TAFA4: variants seen among roughly 807,000 people sequenced by gnomAD.
TAFA4 encodes chemokine-like protein TAFA-4.
In TAFA4, 20 loss-of-function variants were observed where a neutral mutation model predicts 21.1. That is an observed-to-expected ratio of 0.95 (90% CI 0.67 to 1.38). The LOEUF is 1.38. Among genes scored for constraint, TAFA4 ranks in the 40% most tolerant of loss-of-function variants. The pLI, the probability that TAFA4 is intolerant of heterozygous loss-of-function variation, is 0.00. For missense variants in TAFA4, 211 were observed against 180.9 expected (o/e 1.17, Z -0.95); for synonymous variants, 71 against 67.4 (o/e 1.05, Z -0.26).
At chr3:68,783,051 G>T (rs1251866424) in intron 3 of TAFA4, among the ~76,000 whole-genome samples, 1 of 152,108 alleles carries the variant, frequency 6.6e-6, no homozygotes, top group Non-Finnish European at 1.5e-5. Context: ...AGTAGATGCA[G>T]AAAAAATATT....
At chr3:68,885,063 G>T in intron 2 of TAFA4, 112 bp downstream of exon 2, 1 of 975,708 alleles carries the variant, frequency 1.0e-6, no homozygotes. Context: ...TTCCCAAAAA[G>T]TGTAAAAGCA....
chr3:68,788,292 G>C (rs1428559597), intron 3 of TAFA4, among the ~76,000 whole-genome samples: 1 of 152,006 alleles, frequency 6.6e-6, no homozygotes, highest in Non-Finnish European at 1.5e-5. Flanking sequence ...AATCACCTCT[G>C]CCTCAGGACA....
At chr3:68,901,051 T>A (rs1266182059) in intron 1 of TAFA4, among the ~76,000 whole-genome samples, 2 of 152,184 alleles carry the variant, frequency 1.3e-5, no homozygotes, top group Admixed American at 1.3e-4. Flanking sequence ...AAACAGCTAA[T>A]AATTCCAGAA....
In TAFA4 at chr3:68,732,304, T is replaced by G. The variant is rs1335315900; in HGVS notation, c.*838A>C. 1 of 152,602 alleles carries G rather than the reference T, an allele frequency of 6.6e-6. No individual in the cohort carries two copies. The highest frequency in any genetic ancestry group is 1.5e-5 in the Non-Finnish European group (1 of 68,020). The allele number at this position is 152,602 out of a possible 1,614,324, so 9.5% of individuals were successfully genotyped here. ...TCTTTTCATATAATTGGCATAAATT[T>G]GATCTAAGAAATAACCCTTGATCTA... On this transcript the variant is annotated 3_prime_UTR_variant, in exon 6 of 6. Transcript: ENST00000295569.
intron 3 of TAFA4, among the ~76,000 whole-genome samples, chr3:68,801,563 T>C (rs1703579014): frequency 6.6e-6 from 1 of 152,224 alleles, no homozygotes; most frequent in Non-Finnish European, 1.5e-5. Flanking sequence ...AACATGAATG[T>C]CACCCAGAAA....
chr3:68,841,782 T>C (rs1484238191), intron 3 of TAFA4, among the ~76,000 whole-genome samples: 1 of 151,620 alleles, frequency 6.6e-6, no homozygotes, highest in East Asian at 1.9e-4. Flanking sequence ...CACTTATGAG[T>C]GAGAACATGC....
At chr3:68,769,691 T>A (rs1363152546) in intron 3 of TAFA4, among the ~76,000 whole-genome samples, 1 of 152,220 alleles carries the variant, frequency 6.6e-6, no homozygotes, top group African/African-American at 2.4e-5. Flanking sequence ...CATAAATATG[T>A]ACAATTATTG....
chr3:68,786,721 T>C (rs1455311309), intron 3 of TAFA4, among the ~76,000 whole-genome samples: 2 of 152,208 alleles, frequency 1.3e-5, no homozygotes, highest in African/African-American at 4.8e-5. Flanking sequence ...CGAAAGTGAT[T>C]TGTAAGCTTT....
chr3:68,749,536 G>A (rs1702522614), intron 4 of TAFA4, among the ~76,000 whole-genome samples: 1 of 152,144 alleles, frequency 6.6e-6, no homozygotes, highest in Admixed American at 6.5e-5. Context: ...AAGCTAAAAA[G>A]CCCTAATGGA....
intron 3 of TAFA4, among the ~76,000 whole-genome samples, chr3:68,871,645 A>C (rs1463865495): frequency 6.6e-6 from 1 of 152,138 alleles, no homozygotes; most frequent in African/African-American, 2.4e-5. Context: ...TTTGCAAACT[A>C]TCCATCCAAC....
chr3:68,818,445 C>A (rs1014804413), intron 3 of TAFA4, among the ~76,000 whole-genome samples: 5 of 152,182 alleles, frequency 3.3e-5, no homozygotes, highest in African/African-American at 1.2e-4. Context: ...AGAATTTTTC[C>A]CTTGCATCCA....
At chr3:68,799,966 G>A (rs765028180) in intron 3 of TAFA4, among the ~76,000 whole-genome samples, 18 of 151,994 alleles carry the variant, frequency 1.2e-4, no homozygotes, top group East Asian at 7.7e-4. Context: ...ATTGTGAACC[G>A]CACATGTGGG....
intron 3 of TAFA4, among the ~76,000 whole-genome samples, chr3:68,792,538 G>C (rs746406280): frequency 6.6e-6 from 1 of 152,038 alleles, no homozygotes; most frequent in African/African-American, 2.4e-5. Flanking sequence ...TCTAACATTA[G>C]GATAGTATTC....
At position 68,733,075 on chromosome 3, in the gene TAFA4, G is replaced by A. The variant is rs1702177935; in HGVS notation, c.*67C>T. On this transcript the variant is annotated 3_prime_UTR_variant, in exon 6 of 6. Transcript: ENST00000295569. ...CAATTTTCTGCAAAGGGGCCATGATGGGAATCCAAGCAAAAGAGCTCCGCC... is the reference window on the plus strand; with the variant it reads ...CAATTTTCTGCAAAGGGGCCATGATAGGAATCCAAGCAAAAGAGCTCCGCC... 2 of 1,604,404 alleles carry A rather than the reference G, an allele frequency of 1.2e-6. No individual in the cohort carries two copies. The highest frequency in any genetic ancestry group is 2.7e-5 in the African/African-American group (2 of 74,446).
intron 3 of TAFA4, among the ~76,000 whole-genome samples, chr3:68,766,444 CAGAG>C (rs1360839242): frequency 6.6e-6 from 1 of 151,904 alleles, no homozygotes; most frequent in Non-Finnish European, 1.5e-5. Flanking sequence ...TGATACTTCT[CAGAG>C]AGACATATGT....
intron 1 of TAFA4, among the ~76,000 whole-genome samples, chr3:68,910,402 A>C (rs1290552198): frequency 2.6e-5 from 4 of 152,222 alleles, no homozygotes; most frequent in Non-Finnish European, 4.4e-5. Context: ...AGGCACCCTA[A>C]ATATGCAAAC....
At chr3:68,905,290 T>G (rs1405042306) in intron 1 of TAFA4, among the ~76,000 whole-genome samples, 3 of 151,278 alleles carry the variant, frequency 2.0e-5, no homozygotes, top group African/African-American at 7.3e-5. Flanking sequence ...CTGCCTCAGC[T>G]TCCCAAGTAG....
chr3:68,771,810 G>C (rs1030052515), intron 3 of TAFA4, among the ~76,000 whole-genome samples: 2 of 152,230 alleles, frequency 1.3e-5, no homozygotes, highest in East Asian at 3.8e-4. Flanking sequence ...CGAAGAGCAA[G>C]AGGTGAGCTT....
intron 1 of TAFA4, among the ~76,000 whole-genome samples, chr3:68,911,498 G>C (rs2089961664): frequency 6.6e-6 from 1 of 152,214 alleles, no homozygotes. Context: ...CTCAGATAGA[G>C]AAACAGAAGC....
Sources: allele counts gnomAD v4.1 joint callset (sites outside exome capture counted in the v4.1 genomes callset), GRCh38; gene constraint gnomAD v4.1.1; transcripts MANE v1.5; gene names NCBI Gene and HGNC (gene_info 2026-07-23, HGNC 2026-07-21).